Variants in CYP4V2 observed in about 807,000 individuals in gnomAD.
CYP4V2 encodes cytochrome P450 4V2.
A neutral mutation model predicts 60.8 loss-of-function variants in CYP4V2; 55 were observed. That is an observed-to-expected ratio of 0.90 (90% confidence interval 0.73 to 1.13). The LOEUF (loss-of-function observed/expected upper bound fraction) is 1.13, where lower values mean the gene tolerates loss of function less well. Ranked by LOEUF, CYP4V2 falls within the 50% of genes most tolerant of loss-of-function variation. The pLI is 0.00. For missense variants in CYP4V2, 675 were observed against 662.9 expected, an observed-to-expected ratio of 1.02 and a Z score of -0.20; for synonymous variants, 239 against 236.8, an observed-to-expected ratio of 1.01 and a Z score of -0.08.
Position 186,194,546 on chromosome 4 carries a change from G to A in CYP4V2, c.261G>A (p.Met87Ile), listed in dbSNP as rs765859742. 24 of 1,614,020 alleles carry A rather than the reference G, an allele frequency of 1.5e-5. No homozygotes were observed. The highest frequency in any genetic ancestry group is 2.0e-5 in the Non-Finnish European group (24 of 1,180,032). ...AGTACACAGAGGAATACCGCCACATGCCGCTGCTGAAGCTCTGGGTCGGGC... is the reference window on the plus strand; with the variant it reads ...AGTACACAGAGGAATACCGCCACATACCGCTGCTGAAGCTCTGGGTCGGGC... ...IIEYTEEYRH[M>I]PLLKLWVGPV... is the part of the protein sequence containing the mutation. The change falls in exon 2 of 11, where the codon ATG becomes ATA. Residue 87 changes from methionine (M) to isoleucine (I), a missense_variant. By Grantham distance (10) the Met-to-Ile change is conservative. Transcript: ENST00000378802.
intron 7 of CYP4V2, chr4:186,202,589 C>T (rs1000221540): frequency 6.6e-6 from 1 of 152,246 alleles, no homozygotes; most frequent in Non-Finnish European, 1.5e-5. Flanking sequence ...CACACACACA[C>T]GCATACACTC....
In CYP4V2 at chr4:186,192,414, C is replaced by A. The variant is rs569914724; in HGVS notation, c.214+377C>A. 3 of 390,390 alleles carry A rather than the reference C, an allele frequency of 7.7e-6. No individual in the cohort carries two copies. In the East Asian group the frequency reaches 1.8e-4, roughly 23 times the overall value. The allele number at this position is 390,390 out of a possible 1,614,324, so 24.2% of individuals were successfully genotyped here. On this transcript the variant is annotated intron_variant, in intron 1 of 10. Coordinates refer to ENST00000378802, the MANE Select transcript of CYP4V2 (RefSeq NM_207352.4). ...GGTTTTAAACTGGCCAACACCTTAA[C>A]GCCCAGAGCCGCCCTCCTCTCGCTG...
chr4:186,207,485 T>C (rs1036090671), intron 8 of CYP4V2, among the ~76,000 whole-genome samples: 1 of 147,536 alleles, frequency 6.8e-6, no homozygotes, highest in East Asian at 1.9e-4. Context: ...GTTATTACTT[T>C]GCATTATTAA....
At chr4:186,204,999 C>T (rs1023029053) in intron 7 of CYP4V2, 10 of 635,724 alleles carry the variant, frequency 1.6e-5, no homozygotes, top group Non-Finnish European at 2.3e-5. Context: ...GTGGAACTGC[C>T]ATCTCTAGGC....
rs1736731849 is a variant in CYP4V2, at chr4:186,211,776, C to A, written c.*1135C>A. The A allele has an allele frequency of 6.6e-6, 1 of 151,758 alleles. No homozygotes were observed. Among genetic ancestry groups the A allele is most frequent in the South Asian group, 2.1e-4 (1 of 4,816 alleles). The allele number at this position is 151,758 out of a possible 1,614,324, so 9.4% of individuals were successfully genotyped here. ...GTTTTAAAAATTATATTAGTGGGACCAGTTATGACAAGAATAATCATTATA... is the reference window on the plus strand; with the variant it reads ...GTTTTAAAAATTATATTAGTGGGACAAGTTATGACAAGAATAATCATTATA... On this transcript the variant is annotated 3_prime_UTR_variant, in exon 11 of 11. Coordinates refer to ENST00000378802, the MANE Select transcript of CYP4V2 (RefSeq NM_207352.4).
At chr4:186,204,348 G>GAC (rs1736425319) in intron 7 of CYP4V2, 4 of 161,754 alleles carry the variant, frequency 2.5e-5, no homozygotes, top group Non-Finnish European at 5.5e-5. Flanking sequence ...CGGCGGTGGA[G>GAC]GCGCTACGCT....
At chr4:186,202,754 ACATG>A (rs1736351496) in intron 7 of CYP4V2, 1 of 115,272 alleles carries the variant, frequency 8.7e-6, no homozygotes, top group African/African-American at 3.3e-5. Flanking sequence ...TCATGCACAT[ACATG>A]CACACACAAA....
chr4:186,197,875 G>T (rs879731338), intron 5 of CYP4V2, among the ~76,000 whole-genome samples: 1 of 152,086 alleles, frequency 6.6e-6, no homozygotes, highest in Non-Finnish European at 1.5e-5. Flanking sequence ...GCTGAGAAAA[G>T]AAAGATATAA....
At chr4:186,192,405 A>C in intron 1 of CYP4V2, 1 of 423,356 alleles carries the variant, frequency 2.4e-6, no homozygotes, top group East Asian at 5.3e-5. Context: ...AAACTGGCCA[A>C]CACCTTAACG....
intron 1 of CYP4V2, among the ~76,000 whole-genome samples, chr4:186,193,658 A>T (rs1367958834): frequency 1.3e-5 from 2 of 152,194 alleles, no homozygotes; most frequent in Non-Finnish European, 2.9e-5. Context: ...CAGTTAGAGT[A>T]AGTTCTTTAG....
At chr4:186,206,663 A>G (rs1473597) in intron 8 of CYP4V2, among the ~76,000 whole-genome samples, 65,423 of 151,932 alleles carry the variant, frequency 0.43, 14,436 homozygotes, top group South Asian at 0.55. Flanking sequence ...GGTTTCTGGC[A>G]TGGAGGGCAA....
intron 2 of CYP4V2, 25 bp downstream of exon 2, chr4:186,194,637 T>C (rs1247842760): frequency 6.4e-7 from 1 of 1,561,256 alleles, no homozygotes; most frequent in Non-Finnish European, 8.8e-7. Flanking sequence ...ATATGATCAG[T>C]ATTGTACTGT....
intron 8 of CYP4V2, among the ~76,000 whole-genome samples, chr4:186,206,345 G>T (rs1736505516): frequency 6.6e-6 from 1 of 152,164 alleles, no homozygotes; most frequent in Non-Finnish European, 1.5e-5. Context: ...AATCTGCCAA[G>T]AGTTCTCTTC....
At chr4:186,192,245 T>A (rs747114411) in intron 1 of CYP4V2, 31 of 727,290 alleles carry the variant, frequency 4.3e-5, no homozygotes, top group Admixed American at 6.0e-5. Flanking sequence ...ATTTTCTTTG[T>A]GTGTAGCACA....
chr4:186,204,290 A>G (rs1337083913), intron 7 of CYP4V2: 3 of 145,242 alleles, frequency 2.1e-5, no homozygotes, highest in African/African-American at 5.5e-5. Context: ...TGGAGACGCT[A>G]CGCTGGCGTA....
intron 10 of CYP4V2, among the ~76,000 whole-genome samples, 184 bp downstream of exon 10, chr4:186,209,456 T>G (rs1318232189): frequency 6.6e-6 from 1 of 152,208 alleles, no homozygotes; most frequent in Non-Finnish European, 1.5e-5. Context: ...AAAGGTATAT[T>G]AGTATATTCG....
At chr4:186,194,375 C>A in intron 1 of CYP4V2, 125 bp from the exon 2 acceptor site, 1 of 819,082 alleles carries the variant, frequency 1.2e-6, no homozygotes, top group Admixed American at 2.0e-5. Context: ...CTCTACCTGG[C>A]TTCCTCTAAC....
chr4:186,206,547 A>G (rs985732654), intron 8 of CYP4V2, among the ~76,000 whole-genome samples: 1 of 152,240 alleles, frequency 6.6e-6, no homozygotes, highest in Non-Finnish European at 1.5e-5. Flanking sequence ...TATCTGATGC[A>G]GTTTTACAGT....
chr4:186,196,137 A>T, intron 3 of CYP4V2, 49 bp downstream of exon 3: 1 of 1,451,566 alleles, frequency 6.9e-7, no homozygotes, highest in Non-Finnish European at 9.7e-7. Context: ...GGTTACTTCT[A>T]CGTGCAACTT....
Sources: allele counts gnomAD v4.1 joint callset (sites outside exome capture counted in the v4.1 genomes callset), GRCh38; gene constraint gnomAD v4.1.1; transcripts MANE v1.5; gene names NCBI Gene and HGNC (gene_info 2026-07-23, HGNC 2026-07-21).